The following COL18A1 variants were observed in gnomAD, a reference collection of about 807,000 sequenced individuals.
COL18A1 encodes the protein collagen type XVIII alpha 1 chain.
Under a neutral mutation model 168.0 loss-of-function variants are expected in COL18A1, and 133 were observed. That is an observed-to-expected ratio of 0.79 (90% CI 0.69 to 0.91). The LOEUF is 0.91. COL18A1 is among the 40% of genes least tolerant of loss of function. The pLI, the probability that COL18A1 is intolerant of heterozygous loss-of-function variation, is 0.00. For synonymous variants in COL18A1, 949 were observed against 809.0 expected, an observed-to-expected ratio of 1.17 and a Z score of -2.94; for missense variants, 2,126 against 1,925.4, an observed-to-expected ratio of 1.10 and a Z score of -1.95.
chr21:45,505,435 A>C lies in COL18A1; in HGVS notation c.3087+4A>C. On this transcript the variant is annotated splice_donor_region_variant and intron_variant, in intron 36 of 41. Transcript: ENST00000651438. ...AACCATGGGCGCCTCCTCAGGGGTA[A>C]GTGTCTGGGCAGCCGGCTGGGCACC... 1.3e-6 allele frequency: 2 copies of C among 1,522,318 alleles called. No individual in the cohort carries two copies. Among genetic ancestry groups the C allele is most frequent in the Non-Finnish European group, 1.8e-6 (2 of 1,110,544 alleles). The allele number at this position is 1,522,318 out of a possible 1,614,324, so 94.3% of individuals were successfully genotyped here. A position where few individuals can be genotyped will look rare whatever the true frequency, so the allele number is the denominator to read the frequency against.
intron 19 of COL18A1, among the ~76,000 whole-genome samples, chr21:45,489,857 C>T (rs1261486775): frequency 9.5e-6 from 1 of 105,148 alleles, no homozygotes; most frequent in Admixed American, 9.5e-5. Context: ...CTGCCTCCCC[C>T]ACTTGCCCCT....
chr21:45,419,204 C>T lies in COL18A1; in HGVS notation c.106+13731C>T, dbSNP rs145696361. Among the ~76,000 whole-genome samples the T allele has an allele frequency of 2.3e-3, 350 of 152,150 alleles. 2 individuals are homozygous for T. Among genetic ancestry groups the T allele is most frequent in the African/African-American group, 7.8e-3 (325 of 41,490 alleles). On this transcript the variant is annotated intron_variant, in intron 2 of 41. Transcript: ENST00000651438. ...GTGATTCCGTGTAGTAAGGCGATGC[C>T]GTGTGTGGTGACGTGCAGTTCCGTG...
At chr21:45,414,150 C>T (rs2033377681) in intron 2 of COL18A1, among the ~76,000 whole-genome samples, 1 of 152,112 alleles carries the variant, frequency 6.6e-6, no homozygotes, top group African/African-American at 2.4e-5. Flanking sequence ...GTGGCTCTGG[C>T]CGTCAATCAG....
rs1449945084 is a variant in COL18A1, at chr21:45,498,109, C to A, written c.2683+448C>A. The A allele has an allele frequency of 1.6e-5, 10 of 625,114 alleles. No individual in the cohort carries two copies. The South Asian group carries it at 1.6e-4, about 10-fold the overall frequency. The allele number at this position is 625,114 out of a possible 1,614,324, so 38.7% of individuals were successfully genotyped here. On this transcript the variant is annotated intron_variant, in intron 32 of 41. Coordinates refer to ENST00000651438, the MANE Select transcript of COL18A1 (RefSeq NM_001379500.1). The surrounding 1 kb of genome is among the most constrained non-coding windows in gnomAD (Gnocchi z 4.5). Reference sequence around the variant, plus strand: ...GGTGAGCCCAGCACCCCTGCTCCCCCAAAGGACAAGAATTCCCCCCTGAGC... The same window carrying A: ...GGTGAGCCCAGCACCCCTGCTCCCCAAAAGGACAAGAATTCCCCCCTGAGC...
chr21:45,426,583 G>A (rs2033809995), intron 2 of COL18A1, among the ~76,000 whole-genome samples: 1 of 152,176 alleles, frequency 6.6e-6, no homozygotes, highest in African/African-American at 2.4e-5. Context: ...GAGTGGGAGA[G>A]CGCAGGTCCC....
chr21:45,467,930 C>T (rs1406614888), intron 2 of COL18A1, among the ~76,000 whole-genome samples: 1 of 152,250 alleles, frequency 6.6e-6, no homozygotes, highest in East Asian at 1.9e-4. Context: ...CTGCTGTGCC[C>T]ATCCCTGCTC....
intron 2 of COL18A1, among the ~76,000 whole-genome samples, chr21:45,462,924 T>G (rs1049207649): frequency 6.6e-6 from 1 of 152,224 alleles, no homozygotes; most frequent in Non-Finnish European, 1.5e-5. Flanking sequence ...ATGTTTTGTG[T>G]CTGTGCCAGA....
rs1201401045 is a variant in COL18A1, at chr21:45,474,884, C to T, written c.739-592C>T. Reference sequence around the variant, plus strand: ...TTGCCCAATAAGCCCGTTGTTTTTGCCTGGAACATGCCAGAAGACGCCAGA... The same window carrying T: ...TTGCCCAATAAGCCCGTTGTTTTTGTCTGGAACATGCCAGAAGACGCCAGA... On this transcript the variant is annotated intron_variant, in intron 4 of 41. Transcript: ENST00000651438. Among the ~76,000 whole-genome samples, 4 of 151,156 alleles carry T rather than the reference C, an allele frequency of 2.6e-5. 1 individual carries two copies. The South Asian group carries it at 8.4e-4, about 32-fold the overall frequency.
intron 2 of COL18A1, among the ~76,000 whole-genome samples, chr21:45,418,685 C>T (rs753075602): frequency 5.3e-5 from 8 of 150,476 alleles, no homozygotes; most frequent in East Asian, 1.9e-4. Flanking sequence ...CTCAGGGAAG[C>T]GGCACCTCCT....
At chr21:45,488,805 T>C (rs1233615983) in intron 18 of COL18A1, among the ~76,000 whole-genome samples, 2 of 152,018 alleles carry the variant, frequency 1.3e-5, no homozygotes, top group African/African-American at 4.8e-5. Flanking sequence ...ACTCCTGGGC[T>C]CAGGGACAGA....
chr21:45,447,263 A>G (rs776421097), intron 2 of COL18A1, among the ~76,000 whole-genome samples: 7 of 151,644 alleles, frequency 4.6e-5, no homozygotes, highest in Non-Finnish European at 7.4e-5. Context: ...AAAAGTTCTA[A>G]CCTCTAAAAA....
intron 2 of COL18A1, chr21:45,455,997 G>A (rs766711520): frequency 1.2e-6 from 2 of 1,612,770 alleles, no homozygotes; most frequent in East Asian, 2.2e-5. Context: ...GCCCTCGCTG[G>A]GCCTTCCAGC....
At chr21:45,416,751 C>A (rs1162905827) in intron 2 of COL18A1, among the ~76,000 whole-genome samples, 1 of 152,194 alleles carries the variant, frequency 6.6e-6, no homozygotes, top group East Asian at 1.9e-4. Flanking sequence ...AGCCTCTACT[C>A]TCCCACTTGA....
chr21:45,497,581 G>C lies in COL18A1; in HGVS notation c.2621-18G>C. The C allele has an allele frequency of 6.4e-7, 1 of 1,555,654 alleles. No individual in the cohort carries two copies. Among genetic ancestry groups the C allele is most frequent in the African/African-American group, 1.4e-5 (1 of 73,356 alleles). On this transcript the variant is annotated intron_variant, in intron 31 of 41. Transcript: ENST00000651438. ...CCCTGGCACATTCCTGATGGGCACT[G>C]GGTCTCTCTTCCTCCAGGGAATCAG... is the stretch of plus-strand genomic sequence containing the variant.
intron 6 of COL18A1, among the ~76,000 whole-genome samples, chr21:45,476,829 G>T (rs1298137205): frequency 6.6e-6 from 1 of 151,074 alleles, no homozygotes; most frequent in Non-Finnish European, 1.5e-5. Flanking sequence ...TGCAGTGCAT[G>T]TTGTGTTGTA....
At chr21:45,488,048 C>T (rs892543351) in intron 17 of COL18A1, among the ~76,000 whole-genome samples, 11 of 152,152 alleles carry the variant, frequency 7.2e-5, no homozygotes, top group African/African-American at 2.4e-4. Context: ...CCACTGTCCC[C>T]TCCACACCAC....
intron 41 of COL18A1, 138 bp downstream of exon 41, chr21:45,511,364 A>G (rs1387282480): frequency 4.4e-6 from 3 of 682,756 alleles, no homozygotes; most frequent in African/African-American, 3.6e-5. Context: ...TACAAAATCC[A>G]AAAGAGCATT....
intron 2 of COL18A1, among the ~76,000 whole-genome samples, chr21:45,419,320 C>T (rs377381374): frequency 1.4e-4 from 21 of 150,926 alleles, no homozygotes; most frequent in African/African-American, 2.7e-4. Context: ...GACGCAATGC[C>T]GTGTAGTTAC....
chr21:45,504,004 C>T lies in COL18A1; in HGVS notation c.2684-7C>T, dbSNP rs775920878. 13 of 1,613,522 alleles carry T rather than the reference C, an allele frequency of 8.1e-6. No individual in the cohort carries two copies. Among genetic ancestry groups the T allele is most frequent in the Non-Finnish European group, 1.1e-5 (13 of 1,179,980 alleles). ...TCAGCGAGACCCCGCCTGTCTCTCT[C>T]TTGCAGGGCAGTTTCCGTTTGACTT... On this transcript the variant is annotated splice_polypyrimidine_tract_variant and splice_region_variant and intron_variant, in intron 32 of 41. Coordinates refer to ENST00000651438, the MANE Select transcript of COL18A1 (RefSeq NM_001379500.1).
Sources: gnomAD v4.1 joint callset for allele counts (sites outside exome capture counted in the v4.1 genomes callset) on GRCh38, gnomAD v4.1.1 for gene constraint, Gnocchi (gnomAD v3.1) non-coding constraint, MANE v1.5 for transcripts, NCBI Gene and HGNC (gene_info 2026-07-23, HGNC 2026-07-21) for gene names.